Variants in CDH12 observed in about 807,000 individuals in gnomAD.
CDH12 encodes cadherin-12.
In CDH12, 41 loss-of-function variants were observed where a neutral mutation model predicts 74.1. That is an observed-to-expected ratio of 0.55 (90% CI 0.43 to 0.72). CDH12 has a LOEUF of 0.72. Ranked by LOEUF, CDH12 falls within the 30% of genes least tolerant of loss-of-function variation. The probability of loss-of-function intolerance (pLI) is 0.00; values close to 1 mark genes in which losing one functional copy is unlikely to be tolerated. For missense variants in CDH12, 945 were observed against 977.2 expected (o/e 0.97, Z 0.44); for synonymous variants, 399 against 355.0 (o/e 1.12, Z -1.39).
intron 2 of CDH12, among the ~76,000 whole-genome samples, chr5:22,428,717 G>C (rs1744044507): frequency 6.6e-6 from 1 of 152,176 alleles, no homozygotes; most frequent in East Asian, 1.9e-4. Flanking sequence ...AGAGAAAAGT[G>C]GAAAGCAGGT....
At chr5:22,381,731 G>A (rs956150290) in intron 3 of CDH12, among the ~76,000 whole-genome samples, 9 of 150,864 alleles carry the variant, frequency 6.0e-5, no homozygotes, top group Non-Finnish European at 3.0e-5. Context: ...CTTTCAGTGT[G>A]TAAATTTTTA....
chr5:22,142,183 A>C (rs1746840095), intron 4 of CDH12, among the ~76,000 whole-genome samples: 1 of 152,180 alleles, frequency 6.6e-6, no homozygotes, highest in Non-Finnish European at 1.5e-5. Flanking sequence ...TGGCATTCTA[A>C]AGTTGAATAT....
Position 22,625,245 on chromosome 5 carries a change from T to C in CDH12, c.-522-119881A>G, listed in dbSNP as rs147898835. Among the ~76,000 whole-genome samples, 1,215 of 152,236 alleles carry C rather than the reference T, an allele frequency of 8.0e-3. 14 individuals are homozygous for C. The highest frequency in any genetic ancestry group is 0.028 in the African/African-American group (1,176 of 41,530). ...TTATGCAGGACACCAACATGGCACA[T>C]GTATACATATATAACAAACCTGCAC... On this transcript the variant is annotated intron_variant, in intron 1 of 14. Coordinates refer to ENST00000382254, the MANE Select transcript of CDH12 (RefSeq NM_004061.5).
chr5:22,407,520 G>A (rs200365661), intron 2 of CDH12, among the ~76,000 whole-genome samples: 6 of 136,742 alleles, frequency 4.4e-5, no homozygotes, highest in Non-Finnish European at 8.2e-5. Flanking sequence ...GCACTCTACC[G>A]TAAAAGATGA....
chr5:22,640,548 T>A (rs1739092681), intron 1 of CDH12, among the ~76,000 whole-genome samples: 1 of 152,218 alleles, frequency 6.6e-6, no homozygotes, highest in South Asian at 2.1e-4. Context: ...CCCATTCATA[T>A]AATTTAACAT....
intron 3 of CDH12, among the ~76,000 whole-genome samples, chr5:22,339,657 G>C (rs912684048): frequency 6.6e-6 from 1 of 152,076 alleles, no homozygotes; most frequent in Non-Finnish European, 1.5e-5. Context: ...GGATAATCTA[G>C]CTTTAATTTA....
intron 5 of CDH12, among the ~76,000 whole-genome samples, chr5:22,056,817 T>G (rs1740774207): frequency 6.6e-6 from 1 of 152,210 alleles, no homozygotes; most frequent in African/African-American, 2.4e-5. Flanking sequence ...AGATGTTTTG[T>G]GTTTTTCCTA....
intron 1 of CDH12, among the ~76,000 whole-genome samples, chr5:22,527,112 C>A (rs1241987332): frequency 6.6e-6 from 1 of 152,068 alleles, no homozygotes; most frequent in Admixed American, 6.6e-5. Flanking sequence ...CCCAAAAGTT[C>A]TTCTCATTTC....
chr5:22,103,947 G>A (rs542046689), intron 4 of CDH12, among the ~76,000 whole-genome samples: 8 of 152,178 alleles, frequency 5.3e-5, no homozygotes, highest in African/African-American at 1.2e-4. Context: ...GTACTCTATC[G>A]CACTTTGCAT....
At chr5:22,721,711 C>T (rs1213528519) in intron 1 of CDH12, among the ~76,000 whole-genome samples, 2 of 152,070 alleles carry the variant, frequency 1.3e-5, no homozygotes, top group Non-Finnish European at 2.9e-5. Flanking sequence ...TTGTAATCCC[C>T]ATGTGTTGAG....
intron 1 of CDH12, among the ~76,000 whole-genome samples, chr5:22,567,863 A>G (rs980743000): frequency 6.6e-6 from 1 of 152,138 alleles, no homozygotes; most frequent in Non-Finnish European, 1.5e-5. Context: ...ACATTTCTTA[A>G]CACACCTGTC....
intron 3 of CDH12, among the ~76,000 whole-genome samples, chr5:22,255,144 T>C (rs954295571): frequency 2.0e-5 from 3 of 151,956 alleles, no homozygotes; most frequent in Admixed American, 6.6e-5. Flanking sequence ...GTGATATTTA[T>C]ATTTTTCTGT....
chr5:22,501,189 T>C (rs985127905), intron 2 of CDH12, among the ~76,000 whole-genome samples: 2 of 152,202 alleles, frequency 1.3e-5, no homozygotes, highest in Admixed American at 6.6e-5. Context: ...ACTGAAAATA[T>C]GCACCATGGA....
chr5:22,654,179 T>C (rs1308166864), intron 1 of CDH12, among the ~76,000 whole-genome samples: 1 of 134,604 alleles, frequency 7.4e-6, no homozygotes, highest in Admixed American at 7.2e-5. Flanking sequence ...CCTTCCTTTC[T>C]TCTTTCTTTC....
intron 2 of CDH12, among the ~76,000 whole-genome samples, chr5:22,487,979 C>A (rs1456730351): frequency 2.0e-5 from 3 of 152,158 alleles, no homozygotes; most frequent in African/African-American, 7.2e-5. Flanking sequence ...TTGGTTTTAA[C>A]AACTTATTTT....
intron 4 of CDH12, among the ~76,000 whole-genome samples, chr5:22,211,369 A>C (rs955365625): frequency 6.6e-6 from 1 of 152,190 alleles, no homozygotes; most frequent in Non-Finnish European, 1.5e-5. Context: ...TTATTTCATT[A>C]TTTGAAAACT....
chr5:22,562,418 G>T (rs1351008531), intron 1 of CDH12, among the ~76,000 whole-genome samples: 1 of 152,074 alleles, frequency 6.6e-6, no homozygotes, highest in Non-Finnish European at 1.5e-5. Flanking sequence ...AAATGAAATT[G>T]GCGTGGGCAA....
intron 1 of CDH12, among the ~76,000 whole-genome samples, chr5:22,533,438 T>C (rs1035399717): frequency 1.3e-5 from 2 of 152,068 alleles, no homozygotes; most frequent in South Asian, 4.1e-4. Flanking sequence ...AAATTCTGAG[T>C]CAAGAGACTT....
intron 1 of CDH12, among the ~76,000 whole-genome samples, chr5:22,555,113 CATA>C (rs1561487707): frequency 6.6e-6 from 1 of 151,904 alleles, no homozygotes; most frequent in African/African-American, 2.4e-5. Flanking sequence ...CTTCTGAACG[CATA>C]ATATCATTTT....
Sources: gnomAD v4.1 joint callset for allele counts (sites outside exome capture counted in the v4.1 genomes callset) on GRCh38, gnomAD v4.1.1 for gene constraint, MANE v1.5 for transcripts, NCBI Gene and HGNC (gene_info 2026-07-23, HGNC 2026-07-21) for gene names.